HEPH: variants seen among roughly 807,000 people sequenced by gnomAD.
HEPH encodes the protein hephaestin.
Under a neutral mutation model 80.8 loss-of-function variants are expected in HEPH, and 69 were observed. The ratio of observed to expected loss-of-function variants is 0.85; its 90% CI spans 0.70 to 1.04. HEPH has a LOEUF of 1.04. Among genes scored for constraint, HEPH ranks in the 50% least tolerant of loss-of-function variants. The pLI, the probability that HEPH is intolerant of heterozygous loss-of-function variation, is 0.00. For synonymous variants in HEPH, 431 were observed against 322.8 expected, an observed-to-expected ratio of 1.34 and a Z score of -3.60; for missense variants, 1,115 against 891.3, an observed-to-expected ratio of 1.25 and a Z score of -3.20.
At chrX:66,264,752 GCTTTCAGGCCATGTCT>G (rs755080925) in intron 20 of HEPH, among the ~76,000 whole-genome samples, 3 of 105,444 alleles carry the variant, frequency 2.8e-5, no homozygotes, top group Non-Finnish European at 3.9e-5. Flanking sequence ...GTGTGGGTGG[GCTTTCAGGCCATGTCT>G]CTTTCAACCT....
rs188269214 is a variant in HEPH at position 66,170,905 on chromosome X, T to A, written c.167+168T>A. On this transcript the variant is annotated intron_variant, in intron 2 of 20. Transcript: ENST00000343002. ...TTTCCTGGGAAGAAGGCTAGTTGAG[T>A]CAGAAGCCAGCATTTCATCTGGAGT... Among the ~76,000 whole-genome samples, 467 of 111,594 alleles carry A rather than the reference T, an allele frequency of 4.2e-3. 2 individuals are homozygous for A. Among genetic ancestry groups the A allele is most frequent in the African/African-American group, 0.015 (457 of 30,719 alleles).
intron 17 of HEPH, among the ~76,000 whole-genome samples, chrX:66,257,960 CCCATGCATTAATATCATTATTAATT>C (rs1478705808): frequency 9.0e-6 from 1 of 111,713 alleles, no homozygotes; most frequent in Non-Finnish European, 1.9e-5. Context: ...TGGGAAGAGA[CCCATGCATTAATATCATTATTAATT>C]CCATGCATTA....
At chrX:66,194,968 T>A in intron 8 of HEPH, 130 bp from the exon 9 acceptor site, 1 of 459,566 alleles carries the variant, frequency 2.2e-6, no homozygotes, top group East Asian at 4.3e-5. Context: ...GTTCTTATTA[T>A]TACAAAGAAA....
chrX:66,262,934 G>T (rs1438076334), intron 19 of HEPH, among the ~76,000 whole-genome samples: 1 of 111,383 alleles, frequency 9.0e-6, no homozygotes. Flanking sequence ...CATGGGAGTG[G>T]TTGGTAGAAT....
rs1022280506 is a variant in HEPH, at chrX:66,255,040, G to T, written c.2569G>T (p.Val857Leu). ...VWPLAAEPGEVVTYQWNIPER... is the reference protein window; with the variant it reads ...VWPLAAEPGELVTYQWNIPER... ...GTTCCTTGTTACACTTCTAGGTGAGGTGGTCACTTATCAGTGGAACATCCC... is the reference window on the plus strand; with the variant it reads ...GTTCCTTGTTACACTTCTAGGTGAGTTGGTCACTTATCAGTGGAACATCCC... The change falls in exon 16 of 21, where the codon GTG (valine) becomes TTG (leucine). Residue 857 changes from valine to leucine, a missense_variant. Transcript: ENST00000343002. The T allele has an allele frequency of 2.5e-6, 3 of 1,192,840 alleles. No individual in the cohort carries two copies. The highest frequency in any genetic ancestry group is 2.3e-6 in the Non-Finnish European group (2 of 882,028).
At chrX:66,209,797 G>A (rs1418411821) in intron 15 of HEPH, among the ~76,000 whole-genome samples, 1 of 111,790 alleles carries the variant, frequency 8.9e-6, no homozygotes, top group Non-Finnish European at 1.9e-5. Flanking sequence ...GGGAACATAA[G>A]AGAAAGGTGA....
At chrX:66,186,531 G>A (rs2087453742) in intron 4 of HEPH, among the ~76,000 whole-genome samples, 2 of 112,883 alleles carry the variant, frequency 1.8e-5, no homozygotes, top group Admixed American at 9.3e-5. Context: ...TGTGCTTCCC[G>A]GTGAGGCAAT....
rs1285077877 is a variant in HEPH at position 66,258,866 on chromosome X, C to G, written c.2923C>G (p.Leu975Val). Residue 975 changes from leucine (L) to valine (V), a missense_variant, in exon 18 of 21, where the codon CTT becomes GTT. Around this residue, in one of 3 missense-constraint regions of HEPH, gnomAD observed 716 missense variants for 523.5 expected, o/e 1.37. Transcript: ENST00000343002. ...HAINGKLYANLRGLTMYQGER... is the reference protein window; with the variant it reads ...HAINGKLYANVRGLTMYQGER... ...AATCAATGGGAAACTCTATGCCAACCTTAGGGGTCTTACCATGTACCAAGG... is the reference window on the plus strand; with the variant it reads ...AATCAATGGGAAACTCTATGCCAACGTTAGGGGTCTTACCATGTACCAAGG... 3.4e-6 allele frequency: 4 copies of G among 1,175,598 alleles called. No individual in the cohort carries two copies. The highest frequency in any genetic ancestry group is 4.6e-6 in the Non-Finnish European group (4 of 879,109).
At chrX:66,256,511 G>A (rs2091188092) in intron 17 of HEPH, among the ~76,000 whole-genome samples, 181 bp downstream of exon 17, 1 of 111,871 alleles carries the variant, frequency 8.9e-6, no homozygotes, top group Non-Finnish European at 1.9e-5. Context: ...ATATACAAAG[G>A]CAGATATGTG....
chrX:66,221,881 C>G (rs1169175092), intron 15 of HEPH, among the ~76,000 whole-genome samples: 1 of 112,353 alleles, frequency 8.9e-6, no homozygotes, highest in East Asian at 2.8e-4. Flanking sequence ...CTGTGGGACT[C>G]CAATTGCATC....
At position 66,192,266 on chromosome X, in the gene HEPH, G is replaced by T. The variant is rs1396714909; in HGVS notation, c.1200G>T (p.Gly400=). ...QWDYGPMGHD[G]STGKNLREPG... ...ACTATGGCCCGATGGGGCATGATGG[G>T]AGTACTGGGAAGAATTTGAGAGAGC... Residue 400 remains glycine (G), a synonymous_variant, in exon 7 of 21, where the codon GGG becomes GGT. Transcript: ENST00000343002. 8.3e-7 allele frequency: 1 copy of T among 1,210,239 alleles called. No homozygotes were observed. Among genetic ancestry groups the T allele is most frequent in the Admixed American group, 2.2e-5 (1 of 46,006 alleles).
chrX:66,197,735 C>T lies in HEPH; in HGVS notation c.1554C>T (p.Arg518=), dbSNP rs1485669466. The stretch of plus-strand genomic sequence containing the variant: ...AGCCCTTTGAGAAAGTAACATACCG[C>T]TGGACAGTCCCCCCTCATGCCGGTC... ...VAKPFEKVTY[R]WTVPPHAGPT... The change falls in exon 10 of 21, where the codon CGC becomes CGT. Residue 518 remains arginine (R), a synonymous_variant. Transcript: ENST00000343002. 4.1e-6 allele frequency: 5 copies of T among 1,210,131 alleles called. No homozygotes were observed. The highest frequency in any genetic ancestry group is 1.8e-5 in the South Asian group (1 of 56,832).
chrX:66,226,080 C>A (rs1035389528), intron 15 of HEPH, among the ~76,000 whole-genome samples: 3 of 111,344 alleles, frequency 2.7e-5, no homozygotes, highest in Non-Finnish European at 5.7e-5. Flanking sequence ...TAGAATGGAA[C>A]AGAACAGGAC....
rs1197625513 is a variant in HEPH at position 66,165,702 on chromosome X, G to A, written c.-14+1232G>A. Among the ~76,000 whole-genome samples the A allele has an allele frequency of 5.4e-5, 6 of 111,668 alleles. No homozygotes were observed. The East Asian group carries it at 1.7e-3, about 31-fold the overall frequency. On this transcript the variant is annotated intron_variant, in intron 1 of 20. Coordinates refer to ENST00000343002, the MANE Select transcript of HEPH (RefSeq NM_001367233.3). ...TTATATTGGCTGATCTTCTCTCCAG[G>A]TTGGCACAAGGTTTCAGTATATCTT...
Position 66,256,136 on chromosome X carries a change from C to T in HEPH, c.2702C>T (p.Ala901Val), listed in dbSNP as rs746368557. 7 of 1,210,395 alleles carry T rather than the reference C, an allele frequency of 5.8e-6. No individual in the cohort carries two copies. In the South Asian group the frequency reaches 1.2e-4, roughly 21 times the overall value. ...DMYSGLVGPLAICQKGILEPH... is the reference protein window; with the variant it reads ...DMYSGLVGPLVICQKGILEPH... ...TATAGTGGCCTGGTGGGGCCCTTGG[C>T]TATCTGCCAAAAGGGCATCCTGGAG... Residue 901 changes from alanine to valine, a missense_variant, in exon 17 of 21, where the codon GCT (alanine) becomes GTT (valine). This residue lies in a region of HEPH where 716 missense variants were observed against 523.5 expected (regional missense o/e 1.37). Coordinates refer to ENST00000343002, the MANE Select transcript of HEPH (RefSeq NM_001367233.3).
At chrX:66,176,195 A>G (rs1216545160) in intron 4 of HEPH, among the ~76,000 whole-genome samples, 5 of 111,868 alleles carry the variant, frequency 4.5e-5, no homozygotes, top group Non-Finnish European at 7.5e-5. Flanking sequence ...TCCCTTGTAT[A>G]CCAATTTTGC....
In HEPH at chrX:66,165,069, AG is replaced by A. The variant is rs2086297604; in HGVS notation, c.-14+600del. Among the ~76,000 whole-genome samples the A allele has an allele frequency of 4.5e-5, 5 of 111,832 alleles. No individual in the cohort carries two copies. The Admixed American group carries it at 4.7e-4, about 11-fold the overall frequency. ...TACATCAAATGAGGGTGATTGAAAA[AG>A]ATGGTTTCTAAAGGTTTCATGCATG... On this transcript the variant is annotated intron_variant, in intron 1 of 20. Transcript: ENST00000343002.
At chrX:66,230,951 G>A (rs1193943872) in intron 15 of HEPH, among the ~76,000 whole-genome samples, 1 of 105,845 alleles carries the variant, frequency 9.4e-6, no homozygotes, top group East Asian at 3.0e-4. Flanking sequence ...ATTGATTTTT[G>A]TATAAGGTGT....
At position 66,172,510 on chromosome X, in the gene HEPH, G is replaced by A. The variant is rs1569283643; in HGVS notation, c.323G>A (p.Gly108Glu). 5.8e-6 allele frequency: 7 copies of A among 1,210,190 alleles called. No individual in the cohort carries two copies. In the African/African-American group the frequency reaches 6.9e-5, roughly 12 times the overall value. ...FLGPVLQAEVGDVILIHLKNF... is the reference protein window; with the variant it reads ...FLGPVLQAEVEDVILIHLKNF... ...GGGCCAGTGTTGCAGGCTGAAGTGG[G>A]GGATGTCATTCTTATTCACCTGAAG... Residue 108 changes from glycine to glutamate, a missense_variant, in exon 3 of 21, where the codon GGG becomes GAG. Transcript: ENST00000343002.
Sources: gnomAD v4.1 joint callset for allele counts (sites outside exome capture counted in the v4.1 genomes callset) on GRCh38, gnomAD v4.1.1 for gene constraint, gnomAD v4.1.1 regional missense constraint, MANE v1.5 for transcripts, NCBI Gene and HGNC (gene_info 2026-07-23, HGNC 2026-07-21) for gene names.